Variants in TBC1D12 observed in about 807,000 individuals in gnomAD.
TBC1D12 encodes the protein TBC1 domain family, member 12.
Under a neutral mutation model 86.7 loss-of-function variants are expected in TBC1D12, and 56 were observed. The observed-to-expected ratio is 0.65, with a 90% CI of 0.52 to 0.81. The LOEUF (loss-of-function observed/expected upper bound fraction) is 0.81. TBC1D12 is among the 30% of genes least tolerant of loss of function. The probability of loss-of-function intolerance (pLI) is 0.00; values close to 1 mark genes in which losing one functional copy is unlikely to be tolerated. For missense variants in TBC1D12, 1,023 were observed against 1,038.8 expected, an observed-to-expected ratio of 0.98 and a Z score of 0.21; for synonymous variants, 421 against 411.7, an observed-to-expected ratio of 1.02 and a Z score of -0.27.
intron 1 of TBC1D12, among the ~76,000 whole-genome samples, chr10:94,405,799 G>A (rs2054846180): frequency 6.6e-6 from 1 of 150,406 alleles, no homozygotes; most frequent in African/African-American, 2.5e-5. Context: ...TATATACATT[G>A]CAATTTCTGA....
intron 2 of TBC1D12, among the ~76,000 whole-genome samples, chr10:94,465,787 CATAT>C (rs1378573098): frequency 7.3e-6 from 1 of 136,726 alleles, no homozygotes; most frequent in Admixed American, 6.9e-5. Context: ...TACATACATA[CATAT>C]ACGCATACAT....
rs746486575 is a variant in TBC1D12, at chr10:94,403,434, G to T, written c.821G>T (p.Arg274Leu). 2.0e-5 allele frequency: 31 copies of T among 1,549,082 alleles called. No individual in the cohort carries two copies. In the South Asian group the frequency reaches 2.4e-4, roughly 12 times the overall value. The part of the protein sequence containing the change: ...LGFSDIHFNS[R>L]NTFQVSRGQS... ...TTTTCTGACATTCACTTCAACTCTC[G>T]CAACACGTTCCAGGTGAGCCGCGGT... Residue 274 changes from arginine (R) to leucine (L), a missense_variant, in exon 1 of 13, where the codon CGC becomes CTC. Physicochemically the swap from Arg to Leu is moderately radical, Grantham distance 102. Transcript: ENST00000225235.
chr10:94,500,618 A>G (rs2056383031), intron 6 of TBC1D12, among the ~76,000 whole-genome samples: 1 of 152,212 alleles, frequency 6.6e-6, no homozygotes, highest in South Asian at 2.1e-4. Flanking sequence ...GCAGTGGATA[A>G]TATGTATATA....
intron 9 of TBC1D12, among the ~76,000 whole-genome samples, chr10:94,518,361 A>C (rs60813980): frequency 6.6e-6 from 1 of 151,920 alleles, no homozygotes; most frequent in African/African-American, 2.4e-5. Flanking sequence ...TTACAGGCAC[A>C]TGCCACCATG....
chr10:94,523,904 G>A (rs1455868967), intron 11 of TBC1D12, among the ~76,000 whole-genome samples: 1 of 152,150 alleles, frequency 6.6e-6, no homozygotes, highest in African/African-American at 2.4e-5. Context: ...AGGAGTTTAA[G>A]GTTACAGTGA....
intron 2 of TBC1D12, among the ~76,000 whole-genome samples, chr10:94,460,039 C>T (rs183938526): frequency 1.3e-4 from 20 of 152,118 alleles, no homozygotes; most frequent in Non-Finnish European, 2.4e-4. Context: ...GCTGCCAGCA[C>T]GTTGTCATCT....
chr10:94,474,742 G>A lies in TBC1D12; in HGVS notation c.1170G>A (p.Glu390=), dbSNP rs1399369652. 6.2e-7 allele frequency: 1 copy of A among 1,614,054 alleles called. No homozygotes were observed. Among genetic ancestry groups the A allele is most frequent in the Non-Finnish European group, 8.5e-7 (1 of 1,180,002 alleles). Residue 390 remains glutamate (E), a synonymous_variant, in exon 3 of 13, where the codon GAG becomes GAA. Transcript: ENST00000225235. The part of the protein sequence containing the change: ...QSSRRKNFEF[E]PLSTTALILE... ...CAAGACGCAAGAATTTTGAATTTGA[G>A]CCGCTTTCTACCACTGCCTTGATTC...
intron 4 of TBC1D12, 43 bp from the exon 5 acceptor site, chr10:94,497,012 C>T (rs2056329092): frequency 1.7e-6 from 2 of 1,197,930 alleles, no homozygotes; most frequent in Non-Finnish European, 1.2e-6. Context: ...GGATTTTGAT[C>T]TAGCTTATTT....
intron 10 of TBC1D12, 26 bp from the exon 11 acceptor site, chr10:94,522,318 A>G (rs1304314417): frequency 8.0e-7 from 1 of 1,250,666 alleles, no homozygotes; most frequent in African/African-American, 1.5e-5. Flanking sequence ...ATACTTTCAT[A>G]ATTTTATTGA....
chr10:94,511,095 CTTTTTTTTTTT>C (rs3053917), intron 8 of TBC1D12, among the ~76,000 whole-genome samples: 2 of 66,828 alleles, frequency 3.0e-5, no homozygotes, highest in African/African-American at 5.9e-5. Context: ...GTAAATATTT[CTTTTTTTTTTT>C]TTTTTTTTTT....
chr10:94,443,927 T>C (rs1266317574), intron 2 of TBC1D12, among the ~76,000 whole-genome samples: 1 of 152,176 alleles, frequency 6.6e-6, no homozygotes, highest in Non-Finnish European at 1.5e-5. Flanking sequence ...CCCAGAACTT[T>C]GGAAGGCAGA....
At chr10:94,470,593 G>A (rs569992600) in intron 2 of TBC1D12, among the ~76,000 whole-genome samples, 2 of 151,726 alleles carry the variant, frequency 1.3e-5, no homozygotes, top group South Asian at 4.2e-4. Context: ...GAACTCCTAG[G>A]CACAAGTGAT....
chr10:94,511,393 C>T (rs1293393375), intron 8 of TBC1D12, among the ~76,000 whole-genome samples, 190 bp from the exon 9 acceptor site: 1 of 152,052 alleles, frequency 6.6e-6, no homozygotes, highest in African/African-American at 2.4e-5. Flanking sequence ...CCACCGCACC[C>T]ATCTGCAGTA....
chr10:94,466,497 AAAGGCTGG>A (rs2055827185), intron 2 of TBC1D12, among the ~76,000 whole-genome samples: 1 of 152,050 alleles, frequency 6.6e-6, no homozygotes, highest in Non-Finnish European at 1.5e-5. Flanking sequence ...ATTCTTACTG[AAAGGCTGG>A]ATTTTATTAT....
At chr10:94,422,038 A>G (rs779300767) in intron 1 of TBC1D12, among the ~76,000 whole-genome samples, 13 of 152,148 alleles carry the variant, frequency 8.5e-5, no homozygotes, top group East Asian at 1.9e-4. Flanking sequence ...AATTTTATGT[A>G]TATACAGTTC....
intron 11 of TBC1D12, among the ~76,000 whole-genome samples, chr10:94,525,467 G>A (rs1430721130): frequency 6.6e-6 from 1 of 151,892 alleles, no homozygotes; most frequent in Non-Finnish European, 1.5e-5. Flanking sequence ...CGCCGGATGT[G>A]GTGGCCTGTG....
At chr10:94,496,599 A>G (rs1302707407) in intron 4 of TBC1D12, among the ~76,000 whole-genome samples, 2 of 152,212 alleles carry the variant, frequency 1.3e-5, no homozygotes, top group Admixed American at 6.5e-5. Flanking sequence ...TTGACTTCAT[A>G]GATTTAGTGT....
chr10:94,442,996 A>T (rs1202688396), intron 2 of TBC1D12, among the ~76,000 whole-genome samples: 1 of 152,002 alleles, frequency 6.6e-6, no homozygotes, highest in African/African-American at 2.4e-5. Flanking sequence ...TTTCCTCAGG[A>T]AAAACAAAGT....
chr10:94,486,136 C>CTTTTTTT (rs760373766), intron 3 of TBC1D12, among the ~76,000 whole-genome samples: 1,840 of 120,664 alleles, frequency 0.015, 1 homozygote, highest in East Asian at 0.037. Flanking sequence ...TCTTCTTCTT[C>CTTTTTTT]TTCTTTTTTT....
Sources: gnomAD v4.1 joint callset for allele counts (sites outside exome capture counted in the v4.1 genomes callset) on GRCh38, gnomAD v4.1.1 for gene constraint, MANE v1.5 for transcripts, NCBI Gene and HGNC (gene_info 2026-07-23, HGNC 2026-07-21) for gene names.